Variants in FBXL18 observed in about 807,000 individuals in gnomAD.
FBXL18 encodes the protein F-box and leucine rich repeat protein 18, also known as F-box/LRR-repeat protein 18.
A neutral mutation model predicts 46.0 loss-of-function variants in FBXL18; 36 were observed. The ratio of observed to expected loss-of-function variants is 0.78; its 90% CI spans 0.60 to 1.03. The LOEUF (loss-of-function observed/expected upper bound fraction) is 1.03. Ranked by LOEUF, FBXL18 falls within the 50% of genes least tolerant of loss-of-function variation. The pLI is 0.00. For missense variants in FBXL18, 977 were observed against 1,004.1 expected (o/e 0.97, Z 0.36); for synonymous variants, 557 against 465.3 (o/e 1.20, Z -2.54).
At position 5,500,791 on chromosome 7, in the gene FBXL18, G is replaced by A; in HGVS notation, c.1478C>T (p.Ser493Phe). 1 of 1,612,676 alleles carries A rather than the reference G, an allele frequency of 6.2e-7. No homozygotes were observed. The highest frequency in any genetic ancestry group is 1.1e-5 in the South Asian group (1 of 91,058). ...PFLEHLELIG[S>F]NFSSAMPRNE... ...GCGGGGCATGGCGGAGGAGAAGTTG[G>A]ACCCAATCAGCTCGAGGTGTTCCAG... Residue 493 changes from serine to phenylalanine, a missense_variant, in exon 3 of 5, where the codon TCC becomes TTC. By Grantham distance (155) the Ser-to-Phe change is radical. Transcript: ENST00000382368.
chr7:5,501,512 C>G lies in FBXL18; in HGVS notation c.757G>C (p.Val253Leu). The G allele has an allele frequency of 6.2e-7, 1 of 1,613,940 alleles. No homozygotes were observed. The highest frequency in any genetic ancestry group is 1.1e-5 in the South Asian group (1 of 91,078). ...NQEVVRLYLA[V>L]LSDRTPQNLH... is the part of the protein sequence containing the mutation. ...TTCTGAGGAGTGCGGTCGCTAAGCA[C>G]AGCCAGGTAGAGCCGCACCACCTCC... The change falls in exon 3 of 5, where the codon GTG becomes CTG. Residue 253 changes from valine (V) to leucine (L), a missense_variant. Val to Leu is a conservative substitution (Grantham distance 32, BLOSUM62 1). Coordinates refer to ENST00000382368, the MANE Select transcript of FBXL18 (RefSeq NM_024963.6).
At chr7:5,487,968 G>T (rs1437865009) in intron 4 of FBXL18, among the ~76,000 whole-genome samples, 1 of 152,248 alleles carries the variant, frequency 6.6e-6, no homozygotes, top group African/African-American at 2.4e-5. Flanking sequence ...AGCAAGCATG[G>T]GTGATCAAGG....
In FBXL18 at chr7:5,480,087, A is replaced by T. The variant is rs1043900209; in HGVS notation, c.*1688T>A. Reference sequence around the variant, plus strand: ...GGCCCCCAGAGCAAGGAGCTGCTGAAAACCATCCCCACTCAGGGGCAGGGC... The same window carrying T: ...GGCCCCCAGAGCAAGGAGCTGCTGATAACCATCCCCACTCAGGGGCAGGGC... On this transcript the variant is annotated 3_prime_UTR_variant, in exon 5 of 5. Coordinates refer to ENST00000382368, the MANE Select transcript of FBXL18 (RefSeq NM_024963.6). Among the ~76,000 whole-genome samples the T allele has an allele frequency of 1.3e-5, 2 of 152,178 alleles. No individual in the cohort carries two copies. The highest frequency in any genetic ancestry group is 1.3e-4 in the Admixed American group (2 of 15,274).
downstream of FBXL18, among the ~76,000 whole-genome samples, chr7:5,473,639 C>T (rs955016794): frequency 1.0e-3 from 27 of 25,876 alleles, no homozygotes; most frequent in Middle Eastern, 0.038. Flanking sequence ...GCACATGCCT[C>T]TTACCCAGCT....
intron 4 of FBXL18, among the ~76,000 whole-genome samples, chr7:5,460,527 C>T (rs1263455665): frequency 6.6e-6 from 1 of 152,212 alleles, no homozygotes; most frequent in Non-Finnish European, 1.5e-5. Context: ...GATCTCCGCT[C>T]ACCGCAACCT....
chr7:5,509,423 G>A (rs1784472843), intron 1 of FBXL18, among the ~76,000 whole-genome samples: 1 of 152,056 alleles, frequency 6.6e-6, no homozygotes, highest in African/African-American at 2.4e-5. Context: ...GACAGGCGCG[G>A]TGGCTCACGC....
At chr7:5,486,762 G>A (rs886301891) in intron 4 of FBXL18, among the ~76,000 whole-genome samples, 4 of 152,184 alleles carry the variant, frequency 2.6e-5, no homozygotes, top group African/African-American at 9.6e-5. Flanking sequence ...AAGGCAGCGC[G>A]GTCACCAGCA....
chr7:5,481,319 G>T lies in FBXL18; in HGVS notation c.*456C>A. The T allele has an allele frequency of 5.8e-6, 1 of 172,828 alleles. No individual in the cohort carries two copies. The highest frequency in any genetic ancestry group is 1.3e-5 in the Non-Finnish European group (1 of 79,044). 10.7% of individuals were successfully genotyped at this position (172,828 alleles called of 1,614,324 possible). ...CAGATACACGGTGACCAGCCCGGCC[G>T]ACTGGACTTCAGGGGGACAGCATGT... On this transcript the variant is annotated 3_prime_UTR_variant, in exon 5 of 5. Coordinates refer to ENST00000382368, the MANE Select transcript of FBXL18 (RefSeq NM_024963.6).
At chr7:5,463,720 A>ATATT (rs1440019641) in intron 4 of FBXL18, among the ~76,000 whole-genome samples, 8 of 63,288 alleles carry the variant, frequency 1.3e-4, no homozygotes, top group African/African-American at 2.7e-4. Context: ...TTATTTATTT[A>ATATT]TTTATTTATT....
chr7:5,489,674 G>A (rs567875846), intron 4 of FBXL18: 1 of 220,814 alleles, frequency 4.5e-6, no homozygotes, highest in Non-Finnish European at 9.2e-6. Flanking sequence ...AGCTACTTGG[G>A]AGGTTGAGGC....
downstream of FBXL18, among the ~76,000 whole-genome samples, chr7:5,471,756 C>A (rs1783431326): frequency 6.6e-6 from 1 of 152,208 alleles, no homozygotes; most frequent in African/African-American, 2.4e-5. Flanking sequence ...CAGGTACAGA[C>A]CCCTGACCTT....
At chr7:5,454,712 G>A (rs1290859646) in intron 4 of FBXL18, among the ~76,000 whole-genome samples, 1 of 152,152 alleles carries the variant, frequency 6.6e-6, no homozygotes, top group Non-Finnish European at 1.5e-5. Context: ...CACAGCGAGG[G>A]AGCAACAGAG....
chr7:5,483,797 T>C (rs1422512603), intron 4 of FBXL18, among the ~76,000 whole-genome samples: 1 of 151,380 alleles, frequency 6.6e-6, no homozygotes, highest in East Asian at 1.9e-4. Flanking sequence ...TCTCAGTGGG[T>C]GCAAGGCAGG....
rs1783165995 is a variant in FBXL18 at position 5,455,886 on chromosome 7, G to T, written c.2001-8043C>A. Among the ~76,000 whole-genome samples the T allele has an allele frequency of 6.6e-6, 1 of 151,968 alleles. No homozygotes were observed. Among genetic ancestry groups the T allele is most frequent in the South Asian group, 2.1e-4 (1 of 4,816 alleles). ...GAGCGGGCGAGACCTGGCCATCTCT[G>T]CCCCATGCGGGACTCTCTCATGGGC... is the stretch of plus-strand genomic sequence containing the variant. On this transcript the variant is annotated intron_variant and NMD_transcript_variant, in intron 4 of 6. Transcript: ENST00000415009. The surrounding 1 kb of genome is among the most constrained non-coding windows in gnomAD (Gnocchi z 4.6).
intron 4 of FBXL18, among the ~76,000 whole-genome samples, chr7:5,464,259 A>G (rs922542474): frequency 2.0e-5 from 3 of 151,934 alleles, no homozygotes; most frequent in Non-Finnish European, 2.9e-5. Flanking sequence ...CAGGCGGATC[A>G]CCTGAGGTCA....
In FBXL18 at chr7:5,501,759, C is replaced by G; in HGVS notation, c.510G>C (p.Leu170=). ...SQLSSECKAT[L]SRVRELKQTL... ...TCTGCTTGAGCTCCCGCACGCGGCT[C>G]AGGGTGGCCTTGCACTCGCTGCTCA... Residue 170 remains leucine (L), a synonymous_variant, in exon 3 of 5, where the codon CTG becomes CTC. Transcript: ENST00000382368. 1 of 1,559,060 alleles carries G rather than the reference C, an allele frequency of 6.4e-7. No individual in the cohort carries two copies. Among genetic ancestry groups the G allele is most frequent in the South Asian group, 1.2e-5 (1 of 85,044 alleles).
intron 2 of FBXL18, 40 bp downstream of exon 2, chr7:5,505,372 T>C (rs755629181): frequency 8.2e-6 from 13 of 1,580,064 alleles, no homozygotes; most frequent in Non-Finnish European, 1.1e-5. Context: ...AAGACTGAGA[T>C]CTAGCTTGTT....
chr7:5,490,972 A>T (rs1009148885), intron 4 of FBXL18, among the ~76,000 whole-genome samples: 1 of 152,198 alleles, frequency 6.6e-6, no homozygotes. Flanking sequence ...AGTAATAATA[A>T]TAATAAGAAG....
At chr7:5,506,245 CT>C (rs1164333440) in intron 1 of FBXL18, among the ~76,000 whole-genome samples, 10 of 126,756 alleles carry the variant, frequency 7.9e-5, no homozygotes, top group East Asian at 2.5e-4. Context: ...TGCCCGGCCT[CT>C]TTTTTTTTTC....
Sources: gnomAD v4.1 joint callset for allele counts (sites outside exome capture counted in the v4.1 genomes callset) on GRCh38, gnomAD v4.1.1 for gene constraint, Gnocchi (gnomAD v3.1) non-coding constraint, MANE v1.5 for transcripts, NCBI Gene and HGNC (gene_info 2026-07-23, HGNC 2026-07-21) for gene names.